Variants in RTN4IP1 observed in about 807,000 individuals in gnomAD.
The protein encoded by RTN4IP1 is NAD(P)H oxidoreductase RTN4IP1, mitochondrial.
In RTN4IP1, 32 loss-of-function variants were observed where a neutral mutation model predicts 46.6. That is an observed-to-expected ratio of 0.69 (90% confidence interval 0.52 to 0.92). RTN4IP1 has a LOEUF of 0.92. Ranked by LOEUF, RTN4IP1 falls within the 40% of genes least tolerant of loss-of-function variation. RTN4IP1 has a pLI of 0.00. For missense variants in RTN4IP1, 424 were observed against 485.8 expected, an observed-to-expected ratio of 0.87 and a Z score of 1.20; for synonymous variants, 167 against 161.8, an observed-to-expected ratio of 1.03 and a Z score of -0.24.
At chr6:106,625,698 C>G in intron 1 of RTN4IP1, among the ~76,000 whole-genome samples, 1 of 120,352 alleles carries the variant, frequency 8.3e-6, no homozygotes, top group South Asian at 2.8e-4. Flanking sequence ...GAGTCTTGCT[C>G]TGTTGCCCAG....
intron 7 of RTN4IP1, among the ~76,000 whole-genome samples, chr6:106,587,299 C>T (rs1244437630): frequency 6.6e-6 from 1 of 152,188 alleles, no homozygotes; most frequent in African/African-American, 2.4e-5. Flanking sequence ...ACAGACAGTA[C>T]ATCAGATGTA....
chr6:106,605,424 C>CAAAAA (rs1343572337), intron 4 of RTN4IP1, among the ~76,000 whole-genome samples: 1 of 105,090 alleles, frequency 9.5e-6, no homozygotes. Context: ...GACCCTGTCT[C>CAAAAA]AAAAAAAAAA....
rs377078382 is a variant in RTN4IP1 at position 106,604,851 on chromosome 6, T to C, written c.621-1929A>G. On this transcript the variant is annotated intron_variant, in intron 4 of 8. Transcript: ENST00000369063. ...AGGTTTGTACCTTGTGTGACTTCCA[T>C]GCACCTGCACCTTATTACCTGCCCA... Among the ~76,000 whole-genome samples, 40 of 152,290 alleles carry C rather than the reference T, an allele frequency of 2.6e-4. No homozygotes were observed. In the East Asian group the frequency reaches 3.5e-3, roughly 13 times the overall value.
intron 4 of RTN4IP1, among the ~76,000 whole-genome samples, chr6:106,612,605 A>G (rs1776253520): frequency 8.9e-6 from 1 of 112,636 alleles, no homozygotes; most frequent in South Asian, 3.0e-4. Context: ...AGTATGTTCA[A>G]TTCTTTGCCT....
intron 5 of RTN4IP1, among the ~76,000 whole-genome samples, chr6:106,600,026 G>C (rs1775902680): frequency 6.6e-6 from 1 of 151,872 alleles, no homozygotes; most frequent in African/African-American, 2.4e-5. Context: ...CTGAGCCTCT[G>C]GATTGGATTC....
chr6:106,584,029 A>G (rs1775427649), intron 7 of RTN4IP1, among the ~76,000 whole-genome samples: 1 of 152,162 alleles, frequency 6.6e-6, no homozygotes, highest in Admixed American at 6.5e-5. Flanking sequence ...ACAGGGCAAT[A>G]CCCTCCAAAT....
intron 5 of RTN4IP1, among the ~76,000 whole-genome samples, chr6:106,596,297 G>C (rs1234700814): frequency 6.6e-6 from 1 of 152,094 alleles, no homozygotes; most frequent in Non-Finnish European, 1.5e-5. Context: ...AGTTCATATT[G>C]ATACTTCCAA....
intron 1 of RTN4IP1, among the ~76,000 whole-genome samples, chr6:106,624,440 C>A (rs1445560160): frequency 6.6e-6 from 1 of 151,956 alleles, no homozygotes; most frequent in African/African-American, 2.4e-5. Flanking sequence ...ACCTCCACTT[C>A]CTGGGTTCAA....
intron 8 of RTN4IP1, among the ~76,000 whole-genome samples, 171 bp downstream of exon 8, chr6:106,583,157 T>C (rs1221052058): frequency 6.6e-6 from 1 of 152,142 alleles, no homozygotes; most frequent in Admixed American, 6.5e-5. Flanking sequence ...ATGCCTCCCA[T>C]GGAGACAGAA....
intron 1 of RTN4IP1, among the ~76,000 whole-genome samples, chr6:106,624,813 G>A (rs1003200165): frequency 6.6e-6 from 1 of 150,770 alleles, no homozygotes; most frequent in African/African-American, 2.4e-5. Context: ...GTACATGCCT[G>A]TAATCCCAGC....
At chr6:106,577,895 A>G (rs1775269450) in intron 8 of RTN4IP1, among the ~76,000 whole-genome samples, 1 of 152,174 alleles carries the variant, frequency 6.6e-6, no homozygotes, top group African/African-American at 2.4e-5. Flanking sequence ...TTCCAGGAGG[A>G]ATGCAGCCCT....
intron 4 of RTN4IP1, among the ~76,000 whole-genome samples, chr6:106,607,229 C>T (rs1177926218): frequency 6.6e-6 from 1 of 151,984 alleles, no homozygotes; most frequent in African/African-American, 2.4e-5. Flanking sequence ...ATGCCCATCT[C>T]TCACCATATA....
chr6:106,581,494 CACG>C (rs1162948354), intron 8 of RTN4IP1, among the ~76,000 whole-genome samples: 4 of 152,184 alleles, frequency 2.6e-5, no homozygotes, highest in Non-Finnish European at 5.9e-5. Context: ...GAAGCAAGGA[CACG>C]ACAAGAGAGC....
chr6:106,629,774 T>A (rs1315441695), upstream of RTN4IP1: 46 of 1,553,182 alleles, frequency 3.0e-5, no homozygotes, highest in Middle Eastern at 1.7e-4. Context: ...TGACAAAGAG[T>A]CCCTGGGCCT....
At chr6:106,583,654 T>G in intron 7 of RTN4IP1, 1 of 422,704 alleles carries the variant, frequency 2.4e-6, no homozygotes, top group Admixed American at 3.6e-5. Flanking sequence ...AGGCTCCTTC[T>G]CTAAACTGTA....
chr6:106,600,125 G>A (rs1562143040), intron 5 of RTN4IP1, among the ~76,000 whole-genome samples: 1 of 152,100 alleles, frequency 6.6e-6, no homozygotes, highest in African/African-American at 2.4e-5. Context: ...CAGACAGACA[G>A]GAAGCCTCCA....
At chr6:106,612,149 G>A (rs1194520261) in intron 4 of RTN4IP1, among the ~76,000 whole-genome samples, 3 of 152,140 alleles carry the variant, frequency 2.0e-5, no homozygotes, top group African/African-American at 7.2e-5. Context: ...GACTTTGGGA[G>A]GCCAAGGCAG....
chr6:106,590,907 C>T (rs538610243), intron 6 of RTN4IP1, among the ~76,000 whole-genome samples: 1 of 152,116 alleles, frequency 6.6e-6, no homozygotes, highest in South Asian at 2.1e-4. Flanking sequence ...AGGCATGTTC[C>T]GGACATGGGA....
chr6:106,584,626 C>T (rs1775442460), intron 7 of RTN4IP1, among the ~76,000 whole-genome samples: 1 of 152,306 alleles, frequency 6.6e-6, no homozygotes, highest in African/African-American at 2.4e-5. Flanking sequence ...GGTGGTACCA[C>T]CACCTAGCTT....
Sources: allele counts gnomAD v4.1 joint callset (sites outside exome capture counted in the v4.1 genomes callset), GRCh38; gene constraint gnomAD v4.1.1; transcripts MANE v1.5; gene names NCBI Gene and HGNC (gene_info 2026-07-23, HGNC 2026-07-21).